The following ESPN variants were observed in gnomAD, a reference collection of about 807,000 sequenced individuals.
The protein encoded by ESPN is autosomal recessive deafness type 36 protein.
In ESPN, 68 loss-of-function variants were observed where a neutral mutation model predicts 77.7. The observed-to-expected ratio is 0.87, with a 90% confidence interval of 0.72 to 1.07. The LOEUF (loss-of-function observed/expected upper bound fraction) is 1.07, where lower values mean the gene tolerates loss of function less well. Among genes scored for constraint, ESPN ranks in the 50% least tolerant of loss-of-function variants. The pLI is 0.00. For synonymous variants in ESPN, 449 were observed against 567.1 expected, an observed-to-expected ratio of 0.79 and a Z score of 2.96; for missense variants, 1,060 against 1,239.0, an observed-to-expected ratio of 0.86 and a Z score of 2.17.
At chr1:6,445,267 G>A (rs1001033640) in intron 6 of ESPN, among the ~76,000 whole-genome samples, 2 of 152,374 alleles carry the variant, frequency 1.3e-5, no homozygotes, top group Admixed American at 6.5e-5. Context: ...CCCTGAGCAT[G>A]GGCGTCCGTC....
In ESPN at chr1:6,427,135, T is replaced by G. The variant is rs1643066370; in HGVS notation, c.295-1091T>G. Among the ~76,000 whole-genome samples, 1 of 152,096 alleles carries G rather than the reference T, an allele frequency of 6.6e-6. No individual in the cohort carries two copies. The highest frequency in any genetic ancestry group is 1.9e-4 in the East Asian group (1 of 5,186). Reference sequence around the variant, plus strand: ...CCAGCTCCTGCCGCCTCTGCCAGTCTGTAACCACAGTGCCCTCTCTCTGGG... The same window carrying G: ...CCAGCTCCTGCCGCCTCTGCCAGTCGGTAACCACAGTGCCCTCTCTCTGGG... On this transcript the variant is annotated intron_variant, in intron 1 of 12. Coordinates refer to ENST00000645284, the MANE Select transcript of ESPN (RefSeq NM_031475.3). This position sits in a 1 kb window ranked among gnomAD's most constrained non-coding sequence, Gnocchi z 4.6.
chr1:6,454,299 C>T (rs1431904262), intron 10 of ESPN: 8 of 397,450 alleles, frequency 2.0e-5, no homozygotes, highest in African/African-American at 1.6e-4. Flanking sequence ...CGGCCAGACG[C>T]GGTCCCTCCC....
rs771402871 is a variant in ESPN at position 6,444,483 on chromosome 1, C to T, written c.993C>T (p.Ser331=). Residue 331 remains serine (S), a splice_region_variant and synonymous_variant, in exon 6 of 13, where the codon AGC becomes AGT. Transcript: ENST00000645284. ...TRYLRTVENL[S]VEHRVLSRDP... ...TGGCCTCCCTGCCTCCCCTTCAGAG[C>T]GTGGAGCACCGCGTGCTTTCCCGGG... 29 of 1,614,034 alleles carry T rather than the reference C, an allele frequency of 1.8e-5. No homozygotes were observed. Among genetic ancestry groups the T allele is most frequent in the African/African-American group, 2.7e-5 (2 of 74,926 alleles).
intron 10 of ESPN, chr1:6,456,036 C>T (rs1300129191): frequency 5.0e-6 from 2 of 396,648 alleles, no homozygotes; most frequent in Non-Finnish European, 8.9e-6. Context: ...GCCCGCCGCG[C>T]CTCCCCCGAC....
At chr1:6,430,248 C>T (rs1288524300) in intron 2 of ESPN, among the ~76,000 whole-genome samples, 9 of 152,198 alleles carry the variant, frequency 5.9e-5, no homozygotes. Context: ...ATTCACAAGG[C>T]TCAGCTCTCT....
intron 2 of ESPN, among the ~76,000 whole-genome samples, chr1:6,430,899 C>T (rs186867516): frequency 2.6e-5 from 4 of 152,180 alleles, no homozygotes; most frequent in Admixed American, 2.0e-4. Flanking sequence ...TTGGCCCTCC[C>T]GGCAGGAGCT....
At chr1:6,446,596 A>G (rs1643849243) in intron 7 of ESPN, among the ~76,000 whole-genome samples, 1 of 152,152 alleles carries the variant, frequency 6.6e-6, no homozygotes, top group Non-Finnish European at 1.5e-5. Context: ...TGGGGCCTGC[A>G]GGCCCCTGGC....
chr1:6,439,312 T>A (rs1373295295), intron 2 of ESPN, among the ~76,000 whole-genome samples: 2 of 152,232 alleles, frequency 1.3e-5, no homozygotes, highest in East Asian at 3.8e-4. Context: ...CCATGCAATA[T>A]TTGGGATATA....
intron 10 of ESPN, chr1:6,455,498 G>A: frequency 2.5e-6 from 1 of 397,812 alleles, no homozygotes; most frequent in Non-Finnish European, 4.4e-6. Flanking sequence ...GGCAGGCGGT[G>A]GGCAAGCTGC....
At chr1:6,443,720 A>T (rs1643727668) in intron 5 of ESPN, among the ~76,000 whole-genome samples, 1 of 152,212 alleles carries the variant, frequency 6.6e-6, no homozygotes, top group Non-Finnish European at 1.5e-5. Context: ...ACCTGGTGCC[A>T]GGCCTGCCTC....
Position 6,450,334 on chromosome 1 carries a change from T to TC in ESPN, c.1915+1250dup, listed in dbSNP as rs1230154729. 9 of 242,276 alleles carry TC rather than the reference T, an allele frequency of 3.7e-5. No individual in the cohort carries two copies. Among genetic ancestry groups the TC allele is most frequent in the African/African-American group, 9.5e-5 (4 of 42,212 alleles). The allele number at this position is 242,276 out of a possible 1,614,324, so 15.0% of individuals were successfully genotyped here. A position where few individuals can be genotyped will look rare whatever the true frequency, so the allele number is the denominator to read the frequency against. On this transcript the variant is annotated intron_variant, in intron 8 of 12. Transcript: ENST00000645284. The surrounding 1 kb of genome is among the most constrained non-coding windows in gnomAD (Gnocchi z 4.3). The stretch of plus-strand genomic sequence containing the variant: ...AAAAGCTCCTCCTCTCTTCTCCACT[T>TC]CCCCCCCGCCCGCTCTCCCTGGCCC...
intron 5 of ESPN, among the ~76,000 whole-genome samples, chr1:6,441,452 C>A (rs1643634066): frequency 6.6e-6 from 1 of 152,188 alleles, no homozygotes; most frequent in African/African-American, 2.4e-5. Flanking sequence ...TGCGGGGCAC[C>A]AAGATGGCAT....
At chr1:6,435,139 T>C (rs111709988) in intron 2 of ESPN, among the ~76,000 whole-genome samples, 12,278 of 152,024 alleles carry the variant, frequency 0.081, 674 homozygotes, top group African/African-American at 0.14. Context: ...TCTTTTAACA[T>C]AGGCCGGGAA....
chr1:6,454,989 C>G (rs1350894780), intron 10 of ESPN: 1 of 377,386 alleles, frequency 2.6e-6, no homozygotes, highest in Admixed American at 4.6e-5. Flanking sequence ...GCTGCGCGCA[C>G]GGGGCGCGGC....
chr1:6,424,826 A>C lies in ESPN; in HGVS notation c.-130A>C. The C allele has an allele frequency of 1.0e-6, 1 of 979,088 alleles. No homozygotes were observed. The highest frequency in any genetic ancestry group is 1.7e-5 in the African/African-American group (1 of 57,934). The allele number at this position is 979,088 out of a possible 1,614,324, so 60.7% of individuals were successfully genotyped here. A position where few individuals can be genotyped will look rare whatever the true frequency, so the allele number is the denominator to read the frequency against. On this transcript the variant is annotated 5_prime_UTR_variant, in exon 1 of 13. Transcript: ENST00000645284. ...GCAGCGCGGAGCGGAGGCCAGGCCC[A>C]CAGCCGCTCCGCCTCCCGGCCCGCA...
At position 6,450,706 on chromosome 1, in the gene ESPN, G is replaced by C. The variant is rs1032101715; in HGVS notation, c.1916-897G>C. Among the ~76,000 whole-genome samples the C allele has an allele frequency of 2.0e-5, 3 of 152,066 alleles. No individual in the cohort carries two copies. The highest frequency in any genetic ancestry group is 4.4e-5 in the Non-Finnish European group (3 of 68,014). On this transcript the variant is annotated intron_variant, in intron 8 of 12. Coordinates refer to ENST00000645284, the MANE Select transcript of ESPN (RefSeq NM_031475.3). The surrounding 1 kb of genome is among the most constrained non-coding windows in gnomAD (Gnocchi z 4.3). ...TGGTTTTGCCTAAATAAATGAGCCA[G>C]CCACACCGATTTTCCCTTTCTCCTA...
rs367803965 is a variant in ESPN, at chr1:6,459,189, C to T, written c.2418-810C>T. On this transcript the variant is annotated intron_variant, in intron 12 of 12. Coordinates refer to ENST00000645284, the MANE Select transcript of ESPN (RefSeq NM_031475.3). ...CTGGGAGGTGGAGGTTGCAGTGAGC[C>T]GAGATCGTGCCACTGCACTCCAGCC... 2.0e-4 allele frequency among the ~76,000 whole-genome samples: 30 copies of T among 151,860 alleles called. No individual in the cohort carries two copies. The East Asian group carries it at 2.5e-3, about 13-fold the overall frequency.
chr1:6,432,957 C>T (rs1643302129), intron 2 of ESPN, among the ~76,000 whole-genome samples: 2 of 151,578 alleles, frequency 1.3e-5, no homozygotes, highest in Admixed American at 1.3e-4. Context: ...CCCGTCTCTA[C>T]TAAAAAATAC....
intron 7 of ESPN, 76 bp downstream of exon 7, chr1:6,446,011 G>A: frequency 2.0e-6 from 3 of 1,468,762 alleles, no homozygotes; most frequent in Non-Finnish European, 9.5e-7. Flanking sequence ...CCAAAGGCCT[G>A]GCCTCACTAG....
Sources: gnomAD v4.1 joint callset for allele counts (sites outside exome capture counted in the v4.1 genomes callset) on GRCh38, gnomAD v4.1.1 for gene constraint, Gnocchi (gnomAD v3.1) non-coding constraint, MANE v1.5 for transcripts, NCBI Gene and HGNC (gene_info 2026-07-23, HGNC 2026-07-21) for gene names.